RFX8: variants seen among roughly 807,000 people sequenced by gnomAD.
The protein encoded by RFX8 is regulatory factor X8.
A neutral mutation model predicts 54.6 loss-of-function variants in RFX8; 46 were observed. The observed-to-expected ratio is 0.84, with a 90% CI of 0.67 to 1.08. RFX8 has a LOEUF of 1.08. RFX8 is among the 50% of genes least tolerant of loss of function. RFX8 has a pLI of 0.00. For missense variants in RFX8, 536 were observed against 562.3 expected (o/e 0.95, Z 0.47); for synonymous variants, 192 against 209.5 (o/e 0.92, Z 0.72).
chr2:101,425,506 C>T lies in RFX8; in HGVS notation c.73-3034G>A, dbSNP rs193103953. On this transcript the variant is annotated intron_variant, in intron 2 of 11. Transcript: ENST00000428343. Reference sequence around the variant, plus strand: ...ACATTTCACCATGGCACATACAACACAGTTTCGCCTGTTCAGAAGAAAACA... The same window carrying T: ...ACATTTCACCATGGCACATACAACATAGTTTCGCCTGTTCAGAAGAAAACA... 2.0e-5 allele frequency among the ~76,000 whole-genome samples: 3 copies of T among 152,168 alleles called. No individual in the cohort carries two copies. In the East Asian group the frequency reaches 5.8e-4, roughly 29 times the overall value.
At chr2:101,405,843 G>A in intron 10 of RFX8, 100 bp downstream of exon 10, 1 of 639,860 alleles carries the variant, frequency 1.6e-6, no homozygotes, top group South Asian at 2.6e-5. Flanking sequence ...AAGGTTAAAA[G>A]AAGACGGCTG....
chr2:101,445,561 T>C (rs1398037483), intron 2 of RFX8, among the ~76,000 whole-genome samples: 1 of 151,190 alleles, frequency 6.6e-6, no homozygotes, highest in Non-Finnish European at 1.5e-5. Context: ...CAGCTAATAG[T>C]TATATATAAA....
chr2:101,413,592 A>T (rs988238397), intron 7 of RFX8, among the ~76,000 whole-genome samples: 4 of 152,178 alleles, frequency 2.6e-5, no homozygotes, highest in Non-Finnish European at 4.4e-5. Flanking sequence ...TCCTCACAGC[A>T]GTCCTGGGAG....
intron 2 of RFX8, among the ~76,000 whole-genome samples, chr2:101,461,050 C>T (rs6737357): frequency 0.35 from 52,143 of 150,772 alleles, 9,657 homozygotes; most frequent in African/African-American, 0.44. Context: ...GGGCAGATCA[C>T]GAGGTCAGGA....
chr2:101,425,881 TG>T (rs1352110326), intron 2 of RFX8, among the ~76,000 whole-genome samples: 1 of 152,132 alleles, frequency 6.6e-6, no homozygotes, highest in Non-Finnish European at 1.5e-5. Flanking sequence ...AATTCCAGTG[TG>T]GAAACAATAA....
At chr2:101,443,416 C>T (rs868813215) in intron 2 of RFX8, among the ~76,000 whole-genome samples, 1 of 152,182 alleles carries the variant, frequency 6.6e-6, no homozygotes, top group Non-Finnish European at 1.5e-5. Flanking sequence ...TCAGGCATTC[C>T]ACTCACTAGT....
At chr2:101,422,800 C>A (rs1228891994) in intron 2 of RFX8, among the ~76,000 whole-genome samples, 1 of 152,208 alleles carries the variant, frequency 6.6e-6, no homozygotes, top group Non-Finnish European at 1.5e-5. Context: ...TTTAATATCA[C>A]AAATACACTT....
At chr2:101,409,790 G>A (rs753143733) in intron 9 of RFX8, among the ~76,000 whole-genome samples, 13 of 152,062 alleles carry the variant, frequency 8.5e-5, no homozygotes, top group Non-Finnish European at 1.5e-4. Flanking sequence ...ATGAGCCACC[G>A]TGCCTGGCCT....
intron 2 of RFX8, among the ~76,000 whole-genome samples, chr2:101,432,411 C>T (rs960613208): frequency 4.6e-5 from 7 of 152,146 alleles, no homozygotes; most frequent in African/African-American, 1.4e-4. Flanking sequence ...GAGTGAACAC[C>T]GCAGGCATTG....
chr2:101,464,734 G>A (rs1171253701), intron 2 of RFX8, among the ~76,000 whole-genome samples: 2 of 152,142 alleles, frequency 1.3e-5, no homozygotes, highest in Non-Finnish European at 2.9e-5. Flanking sequence ...ATGCCTCCTA[G>A]CTGCATGTAG....
At chr2:101,465,281 C>A (rs1573488538) in intron 2 of RFX8, among the ~76,000 whole-genome samples, 1 of 152,068 alleles carries the variant, frequency 6.6e-6, no homozygotes, top group Admixed American at 6.5e-5. Context: ...GGGAGGCGGG[C>A]AGATCACGAG....
intron 2 of RFX8, chr2:101,452,437 A>G: frequency 2.2e-6 from 3 of 1,355,826 alleles, no homozygotes; most frequent in Non-Finnish European, 2.8e-6. Context: ...GGAAAAACCA[A>G]TCTCACAAGC....
At chr2:101,424,460 G>A (rs192798058) in intron 2 of RFX8, among the ~76,000 whole-genome samples, 6 of 152,304 alleles carry the variant, frequency 3.9e-5, no homozygotes, top group East Asian at 3.9e-4. Flanking sequence ...ACAATGTGGC[G>A]ATTCCTCAAG....
intron 2 of RFX8, among the ~76,000 whole-genome samples, chr2:101,449,028 G>A (rs919634509): frequency 1.3e-5 from 2 of 152,180 alleles, no homozygotes; most frequent in Admixed American, 1.3e-4. Flanking sequence ...ATGTCCAGAA[G>A]GTATGGATGG....
chr2:101,466,552 T>C (rs958204014), intron 2 of RFX8, among the ~76,000 whole-genome samples: 3 of 152,170 alleles, frequency 2.0e-5, no homozygotes, highest in Non-Finnish European at 4.4e-5. Context: ...GTGCTACCCA[T>C]TCCTCATCCT....
Position 101,410,599 on chromosome 2 carries a change from T to A in RFX8, c.813+20A>T, listed in dbSNP as rs1216326140. ...GAATGGTCAACACACTTTTTTTTTT[T>A]TTAAGTCACAGCTTCCTACCTGGAA... On this transcript the variant is annotated intron_variant, in intron 9 of 11. Coordinates refer to ENST00000428343, the MANE Select transcript of RFX8 (RefSeq NM_001145664.2). 7.3e-7 allele frequency: 1 copy of A among 1,368,478 alleles called. No individual in the cohort carries two copies. The highest frequency in any genetic ancestry group is 2.2e-5 in the Admixed American group (1 of 45,026). The allele number at this position is 1,368,478 out of a possible 1,614,324, so 84.8% of individuals were successfully genotyped here. A position where few individuals can be genotyped will look rare whatever the true frequency, so the allele number is the denominator to read the frequency against.
chr2:101,438,207 AT>A (rs34862286), intron 2 of RFX8, among the ~76,000 whole-genome samples: 115,085 of 152,058 alleles, frequency 0.76, 44,515 homozygotes, highest in Middle Eastern at 0.88. Flanking sequence ...TTATACTTTT[AT>A]TTTTTTAATA....
intron 2 of RFX8, among the ~76,000 whole-genome samples, chr2:101,434,097 A>G (rs757984620): frequency 2.1e-4 from 32 of 152,182 alleles, no homozygotes; most frequent in Non-Finnish European, 2.9e-5. Context: ...AGTAAGGTAG[A>G]TAAGAATTAT....
At chr2:101,452,185 C>T (rs1004069241) in intron 2 of RFX8, among the ~76,000 whole-genome samples, 5 of 152,010 alleles carry the variant, frequency 3.3e-5, no homozygotes, top group South Asian at 2.1e-4. Context: ...AACAAAATTC[C>T]GAAGAAAATA....
Sources: allele counts gnomAD v4.1 joint callset (sites outside exome capture counted in the v4.1 genomes callset), GRCh38; gene constraint gnomAD v4.1.1; transcripts MANE v1.5; gene names NCBI Gene and HGNC (gene_info 2026-07-23, HGNC 2026-07-21).